Variants in CCT6B observed in about 807,000 individuals in gnomAD.
CCT6B encodes the protein chaperonin containing TCP1 subunit 6B, also known as probable T-complex protein 1 subunit zeta-2.
A neutral mutation model predicts 61.5 loss-of-function variants in CCT6B; 49 were observed. The observed-to-expected ratio is 0.80, with a 90% CI of 0.63 to 1.01. The LOEUF is 1.01. Ranked by LOEUF, CCT6B falls within the 50% of genes least tolerant of loss-of-function variation. The pLI is 0.00. For missense variants in CCT6B, 666 were observed against 634.7 expected, an observed-to-expected ratio of 1.05 and a Z score of -0.53; for synonymous variants, 228 against 214.5, an observed-to-expected ratio of 1.06 and a Z score of -0.55.
chr17:34,944,840 G>A (rs1050273229), intron 5 of CCT6B, among the ~76,000 whole-genome samples: 2 of 152,234 alleles, frequency 1.3e-5, no homozygotes, highest in African/African-American at 2.4e-5. Context: ...GCAGGAGAAT[G>A]GCGTAAGCCC....
rs147711027 is a variant in CCT6B, at chr17:34,937,794, T to C, written c.1213+1389A>G. Reference sequence around the variant, plus strand: ...ACAGAGGAGAAAAATTTGCCAATTATATATCTGAAAAAGCACTTGTACCCA... The same window carrying C: ...ACAGAGGAGAAAAATTTGCCAATTACATATCTGAAAAAGCACTTGTACCCA... On this transcript the variant is annotated intron_variant, in intron 10 of 13. Coordinates refer to ENST00000314144, the MANE Select transcript of CCT6B (RefSeq NM_006584.4). Among the ~76,000 whole-genome samples, 563 of 152,174 alleles carry C rather than the reference T, an allele frequency of 3.7e-3. 2 individuals are homozygous for C. Among genetic ancestry groups the C allele is most frequent in the Non-Finnish European group, 5.3e-3 (363 of 68,004 alleles).
intron 12 of CCT6B, among the ~76,000 whole-genome samples, chr17:34,930,226 C>T (rs2090020736): frequency 1.3e-5 from 2 of 152,284 alleles, no homozygotes; most frequent in South Asian, 2.1e-4. Context: ...GAGCCAAGAT[C>T]GTGCCACTGC....
At chr17:34,960,560 A>G (rs1232292395) in intron 1 of CCT6B, among the ~76,000 whole-genome samples, 1 of 151,980 alleles carries the variant, frequency 6.6e-6, no homozygotes, top group Non-Finnish European at 1.5e-5. Flanking sequence ...AGCACATCCT[A>G]CTCTACCACA....
intron 4 of CCT6B, among the ~76,000 whole-genome samples, chr17:34,952,891 A>C (rs926027485): frequency 2.6e-5 from 4 of 152,174 alleles, no homozygotes; most frequent in Non-Finnish European, 5.9e-5. Flanking sequence ...TGAGAATATC[A>C]CTGTTTCTGT....
chr17:34,934,853 TA>T (rs2090076633), intron 10 of CCT6B, among the ~76,000 whole-genome samples: 1 of 152,112 alleles, frequency 6.6e-6, no homozygotes, highest in African/African-American at 2.4e-5. Context: ...CCAAAAAAGA[TA>T]AAAGCATTAC....
intron 13 of CCT6B, 83 bp downstream of exon 13, chr17:34,928,879 A>C (rs2089999454): frequency 1.2e-6 from 1 of 802,418 alleles, no homozygotes; most frequent in African/African-American, 1.8e-5. Context: ...CTGTACAGGG[A>C]CAAAAATAAT....
At position 34,927,960 on chromosome 17, in the gene CCT6B, T is replaced by A; in HGVS notation, c.*88A>T. 1.2e-6 allele frequency: 1 copy of A among 856,912 alleles called. No individual in the cohort carries two copies. Among genetic ancestry groups the A allele is most frequent in the Non-Finnish European group, 1.8e-6 (1 of 558,056 alleles). The allele number at this position is 856,912 out of a possible 1,614,324, so 53.1% of individuals were successfully genotyped here. On this transcript the variant is annotated 3_prime_UTR_variant, in exon 14 of 14. Transcript: ENST00000314144. ...ATAAACTGCATTTATTGTGTAGAAA[T>A]TCAGAATGGCTCAGGCTACACAATA...
chr17:34,961,459 G>A lies in CCT6B; in HGVS notation c.-66C>T, dbSNP rs1186948493. On this transcript the variant is annotated 5_prime_UTR_variant, in exon 1 of 14. Coordinates refer to ENST00000314144, the MANE Select transcript of CCT6B (RefSeq NM_006584.4). ...CGCGATTCTGAGCAAAAACGGCAATGCGACGCCACGCTCTCTTGAGCCTCG... is the reference window on the plus strand; with the variant it reads ...CGCGATTCTGAGCAAAAACGGCAATACGACGCCACGCTCTCTTGAGCCTCG... The A allele has an allele frequency of 1.9e-6, 3 of 1,561,566 alleles. No homozygotes were observed. The highest frequency in any genetic ancestry group is 1.7e-6 in the Non-Finnish European group (2 of 1,157,064).
chr17:34,952,183 T>A (rs2090299528), intron 4 of CCT6B, 130 bp from the exon 5 acceptor site: 1 of 548,322 alleles, frequency 1.8e-6, no homozygotes, highest in Admixed American at 3.6e-5. Context: ...AAGACCAATA[T>A]GTGCCACTTT....
rs1392688369 is a variant in CCT6B, at chr17:34,929,097, T to C, written c.1451-63A>G. On this transcript the variant is annotated intron_variant, in intron 12 of 13. Coordinates refer to ENST00000314144, the MANE Select transcript of CCT6B (RefSeq NM_006584.4). ...TATTTGCTATTAATATTAATTGATA[T>C]CTTCTAAAAATATTTAATACATTAC... 5 of 992,714 alleles carry C rather than the reference T, an allele frequency of 5.0e-6. No homozygotes were observed. In the East Asian group the frequency reaches 7.8e-5, roughly 15 times the overall value. 61.5% of individuals were successfully genotyped at this position (992,714 alleles called of 1,614,324 possible). A position where few individuals can be genotyped will look rare whatever the true frequency, so the allele number is the denominator to read the frequency against.
At position 34,930,929 on chromosome 17, in the gene CCT6B, AT is replaced by A; in HGVS notation, c.1450+19del. 7.6e-7 allele frequency: 1 copy of A among 1,310,432 alleles called. No homozygotes were observed. Among genetic ancestry groups the A allele is most frequent in the Non-Finnish European group, 1.1e-6 (1 of 909,622 alleles). 81.2% of individuals were successfully genotyped at this position (1,310,432 alleles called of 1,614,324 possible). On this transcript the variant is annotated intron_variant, in intron 12 of 13. Coordinates refer to ENST00000314144, the MANE Select transcript of CCT6B (RefSeq NM_006584.4). ...GAATAACCTCTTTATTAAGCAGCTA[AT>A]TTTCCTTCACTTTCTTACCTGTATT...
At chr17:34,956,851 C>T (rs2090352519) in intron 3 of CCT6B, among the ~76,000 whole-genome samples, 1 of 152,088 alleles carries the variant, frequency 6.6e-6, no homozygotes, top group Non-Finnish European at 1.5e-5. Context: ...ACTCTGTCAC[C>T]CAGGCTGGAG....
chr17:34,935,192 T>G (rs1597739031), intron 10 of CCT6B, among the ~76,000 whole-genome samples: 1 of 152,260 alleles, frequency 6.6e-6, no homozygotes. Flanking sequence ...ATGAGATACA[T>G]AGAGTAAACT....
At chr17:34,940,458 A>G (rs1195019867) in intron 8 of CCT6B, 81 bp downstream of exon 8, 2 of 770,668 alleles carry the variant, frequency 2.6e-6, no homozygotes, top group African/African-American at 1.8e-5. Context: ...ACATTTACAC[A>G]TAAGCTAAAA....
intron 5 of CCT6B, among the ~76,000 whole-genome samples, chr17:34,946,683 A>C (rs2090228149): frequency 6.6e-6 from 1 of 152,228 alleles, no homozygotes; most frequent in Non-Finnish European, 1.5e-5. Flanking sequence ...AGAATGAATA[A>C]ACTGTGGTAT....
At chr17:34,945,953 G>A (rs965239878) in intron 5 of CCT6B, among the ~76,000 whole-genome samples, 6 of 152,122 alleles carry the variant, frequency 3.9e-5, no homozygotes, top group African/African-American at 1.2e-4. Context: ...TCTGAACTTC[G>A]GTTTCAATGT....
At position 34,930,974 on chromosome 17, in the gene CCT6B, T is replaced by C; in HGVS notation, c.1425A>G (p.Gln475=). Residue 475 remains glutamine (Q), a synonymous_variant, in exon 12 of 14, where the codon CAA becomes CAG. Coordinates refer to ENST00000314144, the MANE Select transcript of CCT6B (RefSeq NM_006584.4). ...CTGTATTCAAATCTACGCCCACAAG[T>C]TGTTTTGACTCGACATGCTCAGCCT... ...KVQAEHVESK[Q]LVGVDLNTGE... is the part of the protein sequence containing the mutation. 6.2e-7 allele frequency: 1 copy of C among 1,603,134 alleles called. No homozygotes were observed. Among genetic ancestry groups the C allele is most frequent in the African/African-American group, 1.3e-5 (1 of 74,850 alleles).
chr17:34,953,970 GAAAT>G (rs990454255), intron 4 of CCT6B, among the ~76,000 whole-genome samples: 1 of 151,906 alleles, frequency 6.6e-6, no homozygotes, highest in Non-Finnish European at 1.5e-5. Flanking sequence ...ATTAATAAAA[GAAAT>G]AAACTAAACA....
At chr17:34,945,429 A>C (rs1007722627) in intron 5 of CCT6B, among the ~76,000 whole-genome samples, 1 of 152,182 alleles carries the variant, frequency 6.6e-6, no homozygotes, top group African/African-American at 2.4e-5. Context: ...CTCCATCTCA[A>C]GAAACAGCAC....
Sources: allele counts gnomAD v4.1 joint callset (sites outside exome capture counted in the v4.1 genomes callset), GRCh38; gene constraint gnomAD v4.1.1; transcripts MANE v1.5; gene names NCBI Gene and HGNC (gene_info 2026-07-23, HGNC 2026-07-21).